Variants in ATG4C observed in about 807,000 individuals in gnomAD.
The protein encoded by ATG4C is autophagy related 4C cysteine peptidase.
A neutral mutation model predicts 57.6 loss-of-function variants in ATG4C; 56 were observed. That is an observed-to-expected ratio of 0.97 (90% CI 0.78 to 1.21). The LOEUF (loss-of-function observed/expected upper bound fraction) is 1.21. ATG4C is among the 50% of genes most tolerant of loss of function. The pLI is 0.00. For synonymous variants in ATG4C, 157 were observed against 174.1 expected (o/e 0.90, Z 0.78); for missense variants, 595 against 529.8 (o/e 1.12, Z -1.21).
At position 62,804,659 on chromosome 1, in the gene ATG4C, C is replaced by G. The variant is rs1480659009; in HGVS notation, c.77-513C>G. Among the ~76,000 whole-genome samples the G allele has an allele frequency of 1.9e-4, 29 of 152,054 alleles. 1 individual carries two copies. Among genetic ancestry groups the G allele is most frequent in the Admixed American group, 1.6e-3 (25 of 15,264 alleles). On this transcript the variant is annotated intron_variant, in intron 2 of 10. Coordinates refer to ENST00000317868, the MANE Select transcript of ATG4C (RefSeq NM_032852.4). Reference sequence around the variant, plus strand: ...TTTTAACCTAGTTCCTTTTGATTTGCAAACAAATCTAATAAGGAGTATATG... The same window carrying G: ...TTTTAACCTAGTTCCTTTTGATTTGGAAACAAATCTAATAAGGAGTATATG...
At chr1:62,810,028 G>A (rs1182280057) in intron 3 of ATG4C, among the ~76,000 whole-genome samples, 1 of 124,894 alleles carries the variant, frequency 8.0e-6, no homozygotes, top group African/African-American at 2.8e-5. Context: ...TAGAGAATAT[G>A]TTTAACTTAC....
chr1:62,801,359 T>C (rs536154006), intron 1 of ATG4C, among the ~76,000 whole-genome samples: 1 of 152,362 alleles, frequency 6.6e-6, no homozygotes, highest in African/African-American at 2.4e-5. Context: ...CCTAGTTGAT[T>C]GACATCCCGA....
chr1:62,806,921 T>A (rs1225001545), intron 3 of ATG4C, among the ~76,000 whole-genome samples: 1 of 152,242 alleles, frequency 6.6e-6, no homozygotes, highest in South Asian at 2.1e-4. Flanking sequence ...GGGCTAGCTT[T>A]GCCTTCTACA....
intron 6 of ATG4C, among the ~76,000 whole-genome samples, chr1:62,825,008 CA>C (rs1404429161): frequency 1.3e-5 from 2 of 151,916 alleles, no homozygotes; most frequent in African/African-American, 2.4e-5. Context: ...GAAACCAAGG[CA>C]GGGGGATCAG....
rs529146240 is a variant in ATG4C, at chr1:62,864,069, A to G, written c.1287A>G (p.Thr429=). ...GTCATTCCAGAGACTATGATTTTACATCTACTACAACCAATGAAGAAGACC... is the reference window on the plus strand; with the variant it reads ...GTCATTCCAGAGACTATGATTTTACGTCTACTACAACCAATGAAGAAGACC... ...VNGHSRDYDF[T]STTTNEEDLF... is the part of the protein sequence containing the mutation. The change falls in exon 11 of 11, where the codon ACA becomes ACG. Residue 429 remains threonine (T), a synonymous_variant. Coordinates refer to ENST00000317868, the MANE Select transcript of ATG4C (RefSeq NM_032852.4). The G allele has an allele frequency of 6.5e-5, 105 of 1,603,790 alleles. No homozygotes were observed. Among genetic ancestry groups the G allele is most frequent in the Non-Finnish European group, 8.3e-5 (98 of 1,175,024 alleles).
chr1:62,817,504 G>A (rs868741308), intron 4 of ATG4C, among the ~76,000 whole-genome samples: 2 of 152,154 alleles, frequency 1.3e-5, no homozygotes, highest in Middle Eastern at 3.4e-3. Context: ...TGCCACCATG[G>A]TTAGCTAATT....
rs112840341 is a variant in ATG4C, at chr1:62,795,834, T to TAA, written c.-68-7872_-68-7871dup. 2.7e-3 allele frequency among the ~76,000 whole-genome samples: 373 copies of TAA among 139,684 alleles called. 3 individuals are homozygous for TAA. The highest frequency in any genetic ancestry group is 9.4e-3 in the African/African-American group (359 of 38,208). The allele number at this position is 139,684 out of a possible 152,430, so 91.6% of individuals were successfully genotyped here. ...CAACAGAGGGAGACCCCTTTTTACT[T>TAA]AAAAAAAAAAAAAAGAAGAGAAGAT... On this transcript the variant is annotated intron_variant, in intron 1 of 10. Coordinates refer to ENST00000317868, the MANE Select transcript of ATG4C (RefSeq NM_032852.4).
intron 6 of ATG4C, among the ~76,000 whole-genome samples, chr1:62,828,283 C>T (rs1383564341): frequency 6.6e-6 from 1 of 152,284 alleles, no homozygotes; most frequent in African/African-American, 2.4e-5. Flanking sequence ...TATGAGTATT[C>T]CCTTTTCTCC....
intron 9 of ATG4C, among the ~76,000 whole-genome samples, chr1:62,840,300 T>C (rs1239083682): frequency 6.6e-6 from 1 of 152,154 alleles, no homozygotes; most frequent in Non-Finnish European, 1.5e-5. Context: ...GGATTGTACA[T>C]GGGAGCCACA....
chr1:62,812,968 A>T lies in ATG4C; in HGVS notation c.161-3607A>T, dbSNP rs968728850. Among the ~76,000 whole-genome samples, 5 of 152,166 alleles carry T rather than the reference A, an allele frequency of 3.3e-5. No individual in the cohort carries two copies. The East Asian group carries it at 9.6e-4, about 29-fold the overall frequency. On this transcript the variant is annotated intron_variant, in intron 3 of 10. Transcript: ENST00000317868. Reference sequence around the variant, plus strand: ...TACAAACCGCTGCTCAAGGGAATAAAAGAGGACACAAACAAATGGAAAAAC... The same window carrying T: ...TACAAACCGCTGCTCAAGGGAATAATAGAGGACACAAACAAATGGAAAAAC...
chr1:62,788,832 A>G (rs1360173655), intron 1 of ATG4C, among the ~76,000 whole-genome samples: 9 of 151,670 alleles, frequency 5.9e-5, no homozygotes, highest in Non-Finnish European at 8.8e-5. Context: ...TTTCCTCACA[A>G]TGAGTTTCAG....
intron 10 of ATG4C, among the ~76,000 whole-genome samples, chr1:62,858,905 C>T (rs1311997127): frequency 3.3e-5 from 5 of 152,108 alleles, no homozygotes; most frequent in Non-Finnish European, 7.4e-5. Flanking sequence ...TAACAAAAAA[C>T]AGGAATATAT....
chr1:62,865,454 AGG>A lies in ATG4C; in HGVS notation c.*1296_*1297del, dbSNP rs1666974014. 6.6e-6 allele frequency: 1 copy of A among 151,954 alleles called. No individual in the cohort carries two copies. The highest frequency in any genetic ancestry group is 6.6e-5 in the Admixed American group (1 of 15,220). The allele number at this position is 151,954 out of a possible 1,614,324, so 9.4% of individuals were successfully genotyped here. A position where few individuals can be genotyped will look rare whatever the true frequency, so the allele number is the denominator to read the frequency against. On this transcript the variant is annotated 3_prime_UTR_variant, in exon 11 of 11. Transcript: ENST00000317868. ...TTTAGTATACCTGATGAGAAAAATCAGGTTTGACATTTCTCAGTGAAGATTAC... is the reference window on the plus strand; with the variant it reads ...TTTAGTATACCTGATGAGAAAAATCATTTGACATTTCTCAGTGAAGATTAC...
chr1:62,853,722 A>C (rs1666591421), intron 10 of ATG4C, among the ~76,000 whole-genome samples: 1 of 152,248 alleles, frequency 6.6e-6, no homozygotes, highest in Non-Finnish European at 1.5e-5. Flanking sequence ...CTGGGATTAC[A>C]GGCATGAGCC....
intron 1 of ATG4C, among the ~76,000 whole-genome samples, chr1:62,787,694 T>C (rs529204474): frequency 6.6e-6 from 1 of 152,206 alleles, no homozygotes; most frequent in South Asian, 2.1e-4. Flanking sequence ...AGTATGACCT[T>C]GAAGAAGTTA....
chr1:62,857,549 A>G (rs1215487576), intron 10 of ATG4C, among the ~76,000 whole-genome samples: 2 of 152,148 alleles, frequency 1.3e-5, no homozygotes, highest in Admixed American at 6.5e-5. Context: ...AATGTAATGC[A>G]CTTCAATCAT....
intron 3 of ATG4C, among the ~76,000 whole-genome samples, chr1:62,812,597 C>T (rs571418680): frequency 6.6e-6 from 1 of 152,230 alleles, no homozygotes; most frequent in Admixed American, 6.5e-5. Flanking sequence ...TCCTCTTCAA[C>T]ATAGTATTGG....
At chr1:62,808,868 G>A (rs564594750) in intron 3 of ATG4C, among the ~76,000 whole-genome samples, 3 of 152,286 alleles carry the variant, frequency 2.0e-5, no homozygotes, top group South Asian at 4.1e-4. Context: ...TACATGATAT[G>A]TGCTAAAACT....
chr1:62,816,493 C>A, intron 3 of ATG4C, 82 bp from the exon 4 acceptor site: 1 of 889,908 alleles, frequency 1.1e-6, no homozygotes, highest in Non-Finnish European at 1.6e-6. Context: ...ACATACTTCA[C>A]ATCTTAAGAC....
Sources: allele counts gnomAD v4.1 joint callset (sites outside exome capture counted in the v4.1 genomes callset), GRCh38; gene constraint gnomAD v4.1.1; transcripts MANE v1.5; gene names NCBI Gene and HGNC (gene_info 2026-07-23, HGNC 2026-07-21).